Variants in ITGB3 observed in about 807,000 individuals in gnomAD.
The protein encoded by ITGB3 is integrin subunit beta 3.
In ITGB3, 48 loss-of-function variants were observed where a neutral mutation model predicts 85.8. The ratio of observed to expected loss-of-function variants is 0.56; its 90% CI spans 0.44 to 0.71. The LOEUF (loss-of-function observed/expected upper bound fraction) is 0.71. Ranked by LOEUF, ITGB3 falls within the 30% of genes least tolerant of loss-of-function variation. ITGB3 has a pLI of 0.00. For synonymous variants in ITGB3, 363 were observed against 395.6 expected (o/e 0.92, Z 0.98); for missense variants, 861 against 1,019.1 (o/e 0.84, Z 2.11).
chr17:47,285,945 C>T (rs567817733), intron 4 of ITGB3, among the ~76,000 whole-genome samples: 88 of 152,258 alleles, frequency 5.8e-4, no homozygotes, highest in Admixed American at 2.0e-3. Context: ...TATCCTGGCC[C>T]CTCTTTCATA....
At chr17:47,307,179 T>C (rs993466147) in intron 13 of ITGB3, among the ~76,000 whole-genome samples, 1 of 151,970 alleles carries the variant, frequency 6.6e-6, no homozygotes, top group Non-Finnish European at 1.5e-5. Context: ...TCCCAGTGTC[T>C]GGTGTTCTCT....
Position 47,286,316 on chromosome 17 carries a change from A to G in ITGB3, c.671A>G (p.Asp224Gly). The G allele has an allele frequency of 6.2e-7, 1 of 1,614,204 alleles. No homozygotes were observed. Among genetic ancestry groups the G allele is most frequent in the Non-Finnish European group, 8.5e-7 (1 of 1,180,036 alleles). Residue 224 changes from aspartate to glycine, a missense_variant, in exon 5 of 15, where the codon GAC (aspartate) becomes GGC (glycine). By Grantham distance (94) the Asp-to-Gly change is moderately conservative. Coordinates refer to ENST00000559488, the MANE Select transcript of ITGB3 (RefSeq NM_000212.3). ...TACAAACACGTGCTGACGCTAACTG[A>G]CCAGGTGACCCGCTTCAATGAGGAA... ...FGYKHVLTLT[D>G]QVTRFNEEVK... is the part of the protein sequence containing the mutation.
intron 2 of ITGB3, 69 bp from the exon 3 acceptor site, chr17:47,283,285 G>A (rs1368264052): frequency 3.6e-5 from 53 of 1,465,850 alleles, no homozygotes; most frequent in Non-Finnish European, 4.9e-5. Context: ...GAAGTGGTAG[G>A]GCCTGCAGGA....
chr17:47,264,807 A>G (rs2065020044), intron 1 of ITGB3, among the ~76,000 whole-genome samples: 1 of 152,178 alleles, frequency 6.6e-6, no homozygotes. Context: ...TGTCAGCTCC[A>G]CAGAGAGACC....
chr17:47,307,716 C>A, intron 14 of ITGB3, 79 bp downstream of exon 14: 1 of 1,347,340 alleles, frequency 7.4e-7, no homozygotes, highest in Non-Finnish European at 1.1e-6. Flanking sequence ...TTTGGGTGGT[C>A]ATGTTCAGCC....
chr17:47,282,147 CT>C lies in ITGB3; in HGVS notation c.166-1206del, dbSNP rs529125544. On this transcript the variant is annotated intron_variant, in intron 2 of 14. Coordinates refer to ENST00000559488, the MANE Select transcript of ITGB3 (RefSeq NM_000212.3). ...TATTTTCAGTAGAGACGGGGTTTCACTAGGTTGGCCAGGCTGGTATCGAACT... is the reference window on the plus strand; with the variant it reads ...TATTTTCAGTAGAGACGGGGTTTCACAGGTTGGCCAGGCTGGTATCGAACT... 2.0e-5 allele frequency among the ~76,000 whole-genome samples: 3 copies of C among 152,210 alleles called. No individual in the cohort carries two copies. The South Asian group carries it at 6.2e-4, about 32-fold the overall frequency.
rs142956423 is a variant in ITGB3, at chr17:47,283,428, C to T, written c.240C>T (p.Ile80=). 2.5e-6 allele frequency: 4 copies of T among 1,614,224 alleles called. No homozygotes were observed. The highest frequency in any genetic ancestry group is 1.7e-5 in the Admixed American group (1 of 60,028). The change falls in exon 3 of 15, where the codon ATC becomes ATT. Residue 80 remains isoleucine, a synonymous_variant. Transcript: ENST00000559488. ...LLKDNCAPES[I]EFPVSEARVL... ...AGGATAACTGTGCCCCAGAATCCAT[C>T]GAGTTCCCAGTGAGTGAGGCCCGAG...
intron 1 of ITGB3, among the ~76,000 whole-genome samples, chr17:47,261,389 A>C (rs961949695): frequency 5.9e-5 from 9 of 152,024 alleles, no homozygotes; most frequent in Admixed American, 3.3e-4. Flanking sequence ...AGTTCCTTGT[A>C]GTCTTGTCCT....
At chr17:47,290,337 G>A in intron 8 of ITGB3, 63 bp downstream of exon 8, 1 of 1,395,560 alleles carries the variant, frequency 7.2e-7, no homozygotes, top group East Asian at 2.3e-5. Flanking sequence ...TACACAGCAG[G>A]GCTCAGATTT....
In ITGB3 at chr17:47,300,582, A is replaced by G; in HGVS notation, c.2014+4A>G. The G allele has an allele frequency of 1.2e-6, 2 of 1,608,792 alleles. No individual in the cohort carries two copies. The highest frequency in any genetic ancestry group is 1.7e-6 in the Non-Finnish European group (2 of 1,175,468). On this transcript the variant is annotated splice_donor_region_variant and intron_variant, in intron 12 of 14. Coordinates refer to ENST00000559488, the MANE Select transcript of ITGB3 (RefSeq NM_000212.3). Reference sequence around the variant, plus strand: ...ATTGAGTCAGTGAAAGAGCTTAGTAAGTTCAGCACATCTTAGAGTTGCACA... The same window carrying G: ...ATTGAGTCAGTGAAAGAGCTTAGTAGGTTCAGCACATCTTAGAGTTGCACA...
intron 1 of ITGB3, among the ~76,000 whole-genome samples, chr17:47,263,288 C>T (rs2065014683): frequency 6.6e-6 from 1 of 152,180 alleles, no homozygotes; most frequent in Admixed American, 6.5e-5. Flanking sequence ...ATGCAGTCTT[C>T]AGCACATGGC....
chr17:47,266,784 G>T (rs1029542127), intron 1 of ITGB3, among the ~76,000 whole-genome samples: 1 of 152,002 alleles, frequency 6.6e-6, no homozygotes, highest in East Asian at 1.9e-4. Context: ...GTCTCACTAT[G>T]TTGCCCAGAC....
chr17:47,282,292 C>T (rs1225511211), intron 2 of ITGB3, among the ~76,000 whole-genome samples: 1 of 152,162 alleles, frequency 6.6e-6, no homozygotes, highest in Non-Finnish European at 1.5e-5. Flanking sequence ...GCATGAAGTA[C>T]ATTCATAATG....
intron 13 of ITGB3, among the ~76,000 whole-genome samples, chr17:47,303,119 G>A (rs1437853441): frequency 6.6e-6 from 1 of 152,100 alleles, no homozygotes; most frequent in African/African-American, 2.4e-5. Context: ...GCATGGTGGT[G>A]CATGCCTGTA....
chr17:47,258,695 G>A (rs920294850), intron 1 of ITGB3, among the ~76,000 whole-genome samples: 6 of 151,902 alleles, frequency 3.9e-5, no homozygotes, highest in Non-Finnish European at 5.9e-5. Flanking sequence ...TGCCCACCTC[G>A]GCCTCCCAAA....
intron 8 of ITGB3, 73 bp from the exon 9 acceptor site, chr17:47,290,881 T>A (rs2065122576): frequency 6.3e-7 from 1 of 1,575,448 alleles, no homozygotes; most frequent in Non-Finnish European, 8.7e-7. Context: ...TGGCTTGGGA[T>A]GGAACTGGCT....
chr17:47,282,404 C>T (rs1403380363), intron 2 of ITGB3, among the ~76,000 whole-genome samples: 1 of 152,166 alleles, frequency 6.6e-6, no homozygotes, highest in African/African-American at 2.4e-5. Flanking sequence ...CCTCCCAGTC[C>T]CTGGAAACTA....
At chr17:47,269,367 C>T (rs1174116962) in intron 1 of ITGB3, among the ~76,000 whole-genome samples, 1 of 152,218 alleles carries the variant, frequency 6.6e-6, no homozygotes, top group East Asian at 1.9e-4. Flanking sequence ...ATTTTCCACA[C>T]GTTTATGCTC....
intron 2 of ITGB3, chr17:47,279,382 G>A (rs1009920266): frequency 6.6e-6 from 1 of 152,216 alleles, no homozygotes; most frequent in Non-Finnish European, 1.5e-5. Flanking sequence ...ACCAAGAAAG[G>A]GAATGTTGCC....
Sources: gnomAD v4.1 joint callset for allele counts (sites outside exome capture counted in the v4.1 genomes callset) on GRCh38, gnomAD v4.1.1 for gene constraint, MANE v1.5 for transcripts, NCBI Gene and HGNC (gene_info 2026-07-23, HGNC 2026-07-21) for gene names.